The following HEATR1 variants were observed in gnomAD, a reference collection of about 807,000 sequenced individuals.
HEATR1 encodes HEAT repeat-containing protein 1.
Under a neutral mutation model 248.2 loss-of-function variants are expected in HEATR1, and 77 were observed. The ratio of observed to expected loss-of-function variants is 0.31; its 90% CI spans 0.26 to 0.37. The LOEUF is 0.37. HEATR1 is among the 10% of genes least tolerant of loss of function. The pLI, the probability that HEATR1 is intolerant of heterozygous loss-of-function variation, is 1.00. For synonymous variants in HEATR1, 897 were observed against 923.1 expected, an observed-to-expected ratio of 0.97 and a Z score of 0.51; for missense variants, 2,420 against 2,504.9, an observed-to-expected ratio of 0.97 and a Z score of 0.72.
Position 236,550,781 on chromosome 1 carries a change from TG to T in HEATR1, c.*120del. 1 of 714,816 alleles carries T rather than the reference TG, an allele frequency of 1.4e-6. No individual in the cohort carries two copies. Among genetic ancestry groups the T allele is most frequent in the Middle Eastern group, 2.6e-4 (1 of 3,918 alleles). 44.3% of individuals were successfully genotyped at this position (714,816 alleles called of 1,614,324 possible). On this transcript the variant is annotated 3_prime_UTR_variant, in exon 45 of 45. Transcript: ENST00000366582. ...TTTTGTAAAGAAGTGATAAAACATTTGTAAGTAATCCAAGTAGGTGTATTAA... is the reference window on the plus strand; with the variant it reads ...TTTTGTAAAGAAGTGATAAAACATTTTAAGTAATCCAAGTAGGTGTATTAA...
At chr1:236,579,045 C>CT (rs1207803452) in intron 20 of HEATR1, among the ~76,000 whole-genome samples, 1 of 152,158 alleles carries the variant, frequency 6.6e-6, no homozygotes, top group Non-Finnish European at 1.5e-5. Flanking sequence ...TTCTGAAATA[C>CT]TAAGATAAAG....
chr1:236,572,194 A>C (rs761334559), intron 26 of HEATR1, among the ~76,000 whole-genome samples: 3 of 152,222 alleles, frequency 2.0e-5, no homozygotes, highest in Admixed American at 6.5e-5. Flanking sequence ...TAGGCTGTAC[A>C]GTGAGTGGCC....
At chr1:236,578,210 A>C (rs1663618002) in intron 20 of HEATR1, among the ~76,000 whole-genome samples, 4 of 152,232 alleles carry the variant, frequency 2.6e-5, no homozygotes. Flanking sequence ...TTTCTATCTA[A>C]GGAATGAGGT....
At chr1:236,580,388 GATT>G (rs1475714350) in intron 20 of HEATR1, among the ~76,000 whole-genome samples, 2 of 152,068 alleles carry the variant, frequency 1.3e-5, no homozygotes, top group Non-Finnish European at 2.9e-5. Flanking sequence ...ATGAATAGCT[GATT>G]ATTAAGAACT....
chr1:236,563,687 A>G (rs1663196418), intron 32 of HEATR1, among the ~76,000 whole-genome samples: 2 of 152,238 alleles, frequency 1.3e-5, no homozygotes, highest in Non-Finnish European at 2.9e-5. Flanking sequence ...TGGACTTTAC[A>G]GTACTCTAAT....
At chr1:236,590,819 C>T in intron 12 of HEATR1, 28 bp downstream of exon 12, 8 of 1,218,788 alleles carry the variant, frequency 6.6e-6, no homozygotes, top group Non-Finnish European at 9.0e-6. Context: ...GAAAAAAAAA[C>T]CATATAAAAA....
intron 37 of HEATR1, 144 bp downstream of exon 37, chr1:236,557,051 A>T (rs1261639754): frequency 1.2e-6 from 1 of 829,954 alleles, no homozygotes; most frequent in Non-Finnish European, 1.8e-6. Context: ...CACATTTAAT[A>T]AAAGCAAGCA....
At chr1:236,587,546 G>A (rs1401874878) in intron 13 of HEATR1, 56 bp from the exon 14 acceptor site, 13 of 732,280 alleles carry the variant, frequency 1.8e-5, no homozygotes, top group South Asian at 3.1e-5. Context: ...CATGTATGGC[G>A]CTTTTTAAAT....
chr1:236,556,252 G>T lies in HEATR1; in HGVS notation c.5362C>A (p.His1788Asn), dbSNP rs1403706215. The T allele has an allele frequency of 3.1e-6, 5 of 1,613,902 alleles. No homozygotes were observed. The highest frequency in any genetic ancestry group is 4.2e-6 in the Non-Finnish European group (5 of 1,179,956). ...YLEGILSQVI[H>N]LEKITSEMGS... ...ATTTCACTAGTGATTTTCTCCAGAT[G>T]AATCACCTACAGGAATATAAAAAAA... The change falls in exon 38 of 45, where the codon CAT (histidine) becomes AAT (asparagine). Residue 1788 changes from histidine (H) to asparagine (N), a missense_variant. By Grantham distance (68) the His-to-Asn change is moderately conservative. Coordinates refer to ENST00000366582, the MANE Select transcript of HEATR1 (RefSeq NM_018072.6).
rs1347615206 is a variant in HEATR1, at chr1:236,586,328, TATC to T, written c.1837_1839del (p.Asp613del). 1.2e-6 allele frequency: 2 copies of T among 1,613,394 alleles called. No homozygotes were observed. The highest frequency in any genetic ancestry group is 1.7e-5 in the Admixed American group (1 of 60,026). On this transcript the variant is annotated inframe_deletion, in exon 15 of 45. Coordinates refer to ENST00000366582, the MANE Select transcript of HEATR1 (RefSeq NM_018072.6). The stretch of plus-strand genomic sequence containing the variant: ...GCAATTTTCATCTCAGCAGATTCCG[TATC>T]ATCATTATTGATAACCATAAATGGC...
intron 43 of HEATR1, chr1:236,552,926 CTCAT>C (rs1662821349): frequency 6.6e-6 from 1 of 152,168 alleles, no homozygotes; most frequent in East Asian, 1.9e-4. Flanking sequence ...TCATAATAGT[CTCAT>C]TGTTAGCATA....
At chr1:236,578,327 A>G (rs1663621067) in intron 20 of HEATR1, among the ~76,000 whole-genome samples, 1 of 152,224 alleles carries the variant, frequency 6.6e-6, no homozygotes, top group South Asian at 2.1e-4. Context: ...ATATTCATAC[A>G]TTCCATAAGT....
At chr1:236,563,841 A>AT (rs141088569) in intron 32 of HEATR1, among the ~76,000 whole-genome samples, 3,737 of 152,306 alleles carry the variant, frequency 0.025, 125 homozygotes, top group East Asian at 0.14. Flanking sequence ...AAGGCTGGGC[A>AT]TGATGGCTCA....
Position 236,576,825 on chromosome 1 carries a change from A to C in HEATR1, c.2880T>G (p.Ile960Met). The part of the protein sequence containing the change: ...SPFYLIIDHL[I>M]SKAEEITSDA... ...CTGAAGTGATCTCCTCTGCTTTAGA[A>C]ATCAAATGATCTATTATCAGATAAA... Residue 960 changes from isoleucine to methionine, a missense_variant, in exon 21 of 45, where the codon ATT becomes ATG. Physicochemically the swap from Ile to Met is conservative, Grantham distance 10 (BLOSUM62 1). Coordinates refer to ENST00000366582, the MANE Select transcript of HEATR1 (RefSeq NM_018072.6). 6.2e-7 allele frequency: 1 copy of C among 1,613,982 alleles called. No homozygotes were observed. The highest frequency in any genetic ancestry group is 8.5e-7 in the Non-Finnish European group (1 of 1,179,948).
intron 24 of HEATR1, 135 bp from the exon 25 acceptor site, chr1:236,572,963 C>A (rs149345278): frequency 1.0e-5 from 8 of 773,236 alleles, no homozygotes; most frequent in South Asian, 5.0e-5. Context: ...CTGAACCCCC[C>A]CCAGCATTGG....
intron 11 of HEATR1, among the ~76,000 whole-genome samples, chr1:236,591,662 A>G (rs139283915): frequency 6.4e-4 from 98 of 152,306 alleles, no homozygotes; most frequent in African/African-American, 1.9e-3. Flanking sequence ...ACTGGAAAGC[A>G]TAGACCTAGA....
chr1:236,564,010 T>C (rs1015194870), intron 32 of HEATR1, among the ~76,000 whole-genome samples: 1 of 152,122 alleles, frequency 6.6e-6, no homozygotes, highest in Admixed American at 6.5e-5. Context: ...CCCAGCTACT[T>C]GGGAGGCTGA....
At chr1:236,603,628 A>G (rs1172809028) in intron 2 of HEATR1, among the ~76,000 whole-genome samples, 5 of 149,110 alleles carry the variant, frequency 3.4e-5, no homozygotes, top group Middle Eastern at 3.2e-3. Flanking sequence ...CCCTACAATA[A>G]CTAGGCCAGT....
At chr1:236,571,284 C>T in intron 28 of HEATR1, 67 bp downstream of exon 28, 3 of 1,512,240 alleles carry the variant, frequency 2.0e-6, no homozygotes, top group Non-Finnish European at 2.7e-6. Context: ...TCAACAGGTG[C>T]CAGTGCATTT....
Sources: gnomAD v4.1 joint callset for allele counts (sites outside exome capture counted in the v4.1 genomes callset) on GRCh38, gnomAD v4.1.1 for gene constraint, MANE v1.5 for transcripts, NCBI Gene and HGNC (gene_info 2026-07-23, HGNC 2026-07-21) for gene names.